Variants in SPOCK1 observed in about 807,000 individuals in gnomAD.
SPOCK1 encodes testican-1.
Under a neutral mutation model 55.3 loss-of-function variants are expected in SPOCK1, and 23 were observed. That is an observed-to-expected ratio of 0.42 (90% CI 0.30 to 0.59). SPOCK1 has a LOEUF of 0.59. Among genes scored for constraint, SPOCK1 ranks in the 20% least tolerant of loss-of-function variants. SPOCK1 has a pLI of 0.22. For synonymous variants in SPOCK1, 226 were observed against 221.0 expected, an observed-to-expected ratio of 1.02 and a Z score of -0.20; for missense variants, 499 against 552.5, an observed-to-expected ratio of 0.90 and a Z score of 0.97.
chr5:137,309,851 C>A (rs1234434769), intron 2 of SPOCK1, among the ~76,000 whole-genome samples: 11 of 151,876 alleles, frequency 7.2e-5, no homozygotes, highest in Admixed American at 3.3e-4. Context: ...ACAGTGAGTA[C>A]CCCCCATTCA....
At chr5:137,364,388 G>T (rs1169559263) in intron 2 of SPOCK1, among the ~76,000 whole-genome samples, 1 of 152,192 alleles carries the variant, frequency 6.6e-6, no homozygotes, top group Non-Finnish European at 1.5e-5. Flanking sequence ...TTATCTGCCA[G>T]TGGAAAGCTA....
At chr5:137,065,497 G>T (rs17170913) in intron 6 of SPOCK1, among the ~76,000 whole-genome samples, 4,522 of 152,194 alleles carry the variant, frequency 0.03, 103 homozygotes, top group East Asian at 0.093. Context: ...CAGACTCATT[G>T]GTGCAGGCTT....
intron 3 of SPOCK1, among the ~76,000 whole-genome samples, chr5:137,215,541 A>AC (rs1755700627): frequency 1.3e-5 from 2 of 152,236 alleles, no homozygotes; most frequent in Admixed American, 6.5e-5. Context: ...ATAATTTTAC[A>AC]CATTTTTTAT....
intron 3 of SPOCK1, among the ~76,000 whole-genome samples, chr5:137,165,017 G>T (rs1368595387): frequency 6.6e-6 from 1 of 152,244 alleles, no homozygotes; most frequent in Admixed American, 6.5e-5. Flanking sequence ...GAAGGACACA[G>T]ACCTGGCTGG....
chr5:137,350,741 C>T (rs1006401983), intron 2 of SPOCK1, among the ~76,000 whole-genome samples: 20 of 151,922 alleles, frequency 1.3e-4, no homozygotes, highest in African/African-American at 4.6e-4. Context: ...GGGCCTAACA[C>T]AAAATGAAAG....
At chr5:137,088,634 GGAGTAGGTATTTT>G (rs1486325999) in intron 5 of SPOCK1, among the ~76,000 whole-genome samples, 1 of 152,186 alleles carries the variant, frequency 6.6e-6, no homozygotes, top group Non-Finnish European at 1.5e-5. Context: ...TTGTGTTGCA[GGAGTAGGTATTTT>G]GAGAAATACA....
At chr5:136,993,518 G>GTCTT (rs1380310098) in intron 6 of SPOCK1, among the ~76,000 whole-genome samples, 1 of 152,138 alleles carries the variant, frequency 6.6e-6, no homozygotes, top group Non-Finnish European at 1.5e-5. Context: ...TGCATTTGGG[G>GTCTT]TCTTTAGTAT....
chr5:137,310,465 A>T (rs2127142012), intron 2 of SPOCK1, among the ~76,000 whole-genome samples: 1 of 152,368 alleles, frequency 6.6e-6, no homozygotes, highest in African/African-American at 2.4e-5. Flanking sequence ...AGGAGACTAC[A>T]GTTGAAATAA....
intron 5 of SPOCK1, among the ~76,000 whole-genome samples, chr5:137,071,436 G>C (rs897270816): frequency 6.6e-6 from 1 of 152,176 alleles, no homozygotes; most frequent in Non-Finnish European, 1.5e-5. Context: ...GAAGGCAGCA[G>C]GACTGGTCAG....
chr5:137,381,059 C>A (rs1307666665), intron 2 of SPOCK1, among the ~76,000 whole-genome samples: 1 of 151,918 alleles, frequency 6.6e-6, no homozygotes, highest in East Asian at 1.9e-4. Flanking sequence ...GCTCCCATTC[C>A]AAATGGGAGA....
Position 137,095,031 on chromosome 5 carries a change from G to A in SPOCK1, c.474+17404C>T, listed in dbSNP as rs571866221. Among the ~76,000 whole-genome samples, 442 of 152,250 alleles carry A rather than the reference G, an allele frequency of 2.9e-3. 5 individuals carry two copies. The highest frequency in any genetic ancestry group is 0.01 in the African/African-American group (425 of 41,530). ...ATATTGTTGTGTCATAAGGAACAGG[G>A]ATGCCCATGGAGAGGGAGAGAGACA... On this transcript the variant is annotated intron_variant, in intron 5 of 10. Transcript: ENST00000394945.
chr5:137,387,481 C>A (rs879609299), intron 2 of SPOCK1, among the ~76,000 whole-genome samples: 1 of 152,094 alleles, frequency 6.6e-6, no homozygotes, highest in Non-Finnish European at 1.5e-5. Flanking sequence ...AGCTGTCAAG[C>A]CATGAAAAGA....
chr5:137,021,793 C>T (rs1208651050), intron 6 of SPOCK1, among the ~76,000 whole-genome samples: 3 of 151,960 alleles, frequency 2.0e-5, no homozygotes, highest in Non-Finnish European at 4.4e-5. Flanking sequence ...CAATATTTTC[C>T]ATTGATTGGT....
At chr5:137,279,715 A>G (rs1757133347) in intron 2 of SPOCK1, among the ~76,000 whole-genome samples, 1 of 152,188 alleles carries the variant, frequency 6.6e-6, no homozygotes, top group South Asian at 2.1e-4. Context: ...GATAATGCAT[A>G]TGACAATTAC....
intron 2 of SPOCK1, among the ~76,000 whole-genome samples, chr5:137,450,423 C>T (rs1753231016): frequency 6.6e-6 from 1 of 152,088 alleles, no homozygotes; most frequent in Non-Finnish European, 1.5e-5. Context: ...CTTGAGCATT[C>T]CAAAAATGGG....
chr5:137,393,338 C>T (rs1242929903), intron 2 of SPOCK1, among the ~76,000 whole-genome samples: 2 of 152,182 alleles, frequency 1.3e-5, no homozygotes, highest in Non-Finnish European at 2.9e-5. Flanking sequence ...TCCTTTGCCT[C>T]AGCCATCACC....
At chr5:137,209,547 G>A (rs911810206) in intron 3 of SPOCK1, among the ~76,000 whole-genome samples, 7 of 152,182 alleles carry the variant, frequency 4.6e-5, no homozygotes, top group East Asian at 1.9e-4. Context: ...CAAGAACCTC[G>A]AGAGTGGCTT....
At chr5:137,092,939 G>T (rs975037037) in intron 5 of SPOCK1, among the ~76,000 whole-genome samples, 1 of 152,150 alleles carries the variant, frequency 6.6e-6, no homozygotes, top group East Asian at 1.9e-4. Context: ...CTAGGGTATC[G>T]CATGGCCAAG....
At chr5:137,059,673 C>T (rs1561594325) in intron 6 of SPOCK1, among the ~76,000 whole-genome samples, 1 of 152,106 alleles carries the variant, frequency 6.6e-6, no homozygotes, top group African/African-American at 2.4e-5. Context: ...AATACACAAC[C>T]CACAGAATGG....
Sources: allele counts gnomAD v4.1 joint callset (sites outside exome capture counted in the v4.1 genomes callset), GRCh38; gene constraint gnomAD v4.1.1; transcripts MANE v1.5; gene names NCBI Gene and HGNC (gene_info 2026-07-23, HGNC 2026-07-21).